WDR70: variants seen among roughly 807,000 people sequenced by gnomAD.
The protein encoded by WDR70 is WD repeat-containing protein 70.
WDR70 carries 53 observed loss-of-function variants against 88.6 expected under a neutral mutation model. That is an observed-to-expected ratio of 0.60 (90% CI 0.48 to 0.75). WDR70 has a LOEUF of 0.75. Among genes scored for constraint, WDR70 ranks in the 30% least tolerant of loss-of-function variants. WDR70 has a pLI of 0.00. For missense variants in WDR70, 610 were observed against 823.2 expected, an observed-to-expected ratio of 0.74 and a Z score of 3.17; for synonymous variants, 280 against 270.0, an observed-to-expected ratio of 1.04 and a Z score of -0.36.
At chr5:37,532,391 C>A (rs996046947) in intron 9 of WDR70, among the ~76,000 whole-genome samples, 17 of 152,140 alleles carry the variant, frequency 1.1e-4, no homozygotes, top group Admixed American at 3.3e-4. Context: ...CTTAGGAACA[C>A]CAATTATTTT....
chr5:37,505,742 TC>T, intron 8 of WDR70: 1 of 1,322,504 alleles, frequency 7.6e-7, no homozygotes, highest in Non-Finnish European at 1.1e-6. Flanking sequence ...CAAATATAGC[TC>T]CCTACACGTT....
chr5:37,693,109 A>G lies in WDR70; in HGVS notation c.1093-4546A>G, dbSNP rs991471968. On this transcript the variant is annotated intron_variant, in intron 10 of 17. Transcript: ENST00000265107. ...CCAAATCATGAGTGAACTCCCATTC[A>G]CAATTGCTACAAAGAGAATAAAATA... 2.6e-5 allele frequency among the ~76,000 whole-genome samples: 4 copies of G among 152,334 alleles called. No homozygotes were observed. In the East Asian group the frequency reaches 5.8e-4, roughly 22 times the overall value.
chr5:37,537,525 C>T (rs1741700889), intron 9 of WDR70, among the ~76,000 whole-genome samples: 1 of 152,050 alleles, frequency 6.6e-6, no homozygotes, highest in African/African-American at 2.4e-5. Flanking sequence ...CATATATTAT[C>T]CTTGGAGATC....
intron 10 of WDR70, among the ~76,000 whole-genome samples, chr5:37,687,636 G>T (rs752198177): frequency 1.3e-5 from 2 of 152,066 alleles, no homozygotes; most frequent in Non-Finnish European, 2.9e-5. Context: ...ATTTGGTGAA[G>T]TCTCCTCATA....
chr5:37,600,834 G>A (rs1292441473), intron 9 of WDR70, among the ~76,000 whole-genome samples: 2 of 152,168 alleles, frequency 1.3e-5, no homozygotes, highest in African/African-American at 4.8e-5. Context: ...CTGGAAAGCA[G>A]TTGGAAAGTT....
At chr5:37,559,178 C>T (rs548254392) in intron 9 of WDR70, among the ~76,000 whole-genome samples, 1 of 152,240 alleles carries the variant, frequency 6.6e-6, no homozygotes, top group South Asian at 2.1e-4. Flanking sequence ...GTAACCTACC[C>T]TCCTTGGCCT....
chr5:37,415,455 G>A (rs1389685539), intron 5 of WDR70, among the ~76,000 whole-genome samples: 8 of 82,590 alleles, frequency 9.7e-5, no homozygotes, highest in African/African-American at 2.8e-4. Context: ...TGGCCGGGCC[G>A]GGGGCTGATC....
intron 10 of WDR70, among the ~76,000 whole-genome samples, chr5:37,611,721 A>C (rs1744196530): frequency 6.6e-6 from 1 of 150,990 alleles, no homozygotes; most frequent in Non-Finnish European, 1.5e-5. Context: ...AACTGTGAAG[A>C]TGCGTGAAGA....
chr5:37,701,374 T>G (rs567082322), intron 12 of WDR70, among the ~76,000 whole-genome samples: 1 of 152,364 alleles, frequency 6.6e-6, no homozygotes, highest in Non-Finnish European at 1.5e-5. Flanking sequence ...CATGTGTTTG[T>G]GTGTATTGTA....
At chr5:37,648,843 A>AT (rs1015213072) in intron 10 of WDR70, among the ~76,000 whole-genome samples, 36 of 152,258 alleles carry the variant, frequency 2.4e-4, no homozygotes, top group African/African-American at 7.2e-4. Context: ...TTTCTCTACC[A>AT]TTTTTTTACT....
At chr5:37,580,458 C>T (rs1374907032) in intron 9 of WDR70, among the ~76,000 whole-genome samples, 2 of 152,166 alleles carry the variant, frequency 1.3e-5, no homozygotes, top group Non-Finnish European at 2.9e-5. Flanking sequence ...CTTTGTTTTT[C>T]CCAGGAATAG....
chr5:37,650,166 G>A (rs1258694697), intron 10 of WDR70, among the ~76,000 whole-genome samples: 2 of 151,394 alleles, frequency 1.3e-5, no homozygotes, highest in South Asian at 4.2e-4. Context: ...GGGAGGCCAA[G>A]GTGGGTGGAT....
intron 17 of WDR70, among the ~76,000 whole-genome samples, chr5:37,747,275 T>A (rs1385579725): frequency 6.6e-6 from 1 of 151,888 alleles, no homozygotes; most frequent in Non-Finnish European, 1.5e-5. Flanking sequence ...GAAAAGAAGC[T>A]CAACATCACT....
chr5:37,648,077 G>T (rs55633811), intron 10 of WDR70, among the ~76,000 whole-genome samples: 2 of 152,204 alleles, frequency 1.3e-5, no homozygotes, highest in African/African-American at 4.8e-5. Flanking sequence ...CATATTAGGT[G>T]TTATATGGTA....
At chr5:37,728,567 T>C (rs2112709416) in intron 17 of WDR70, among the ~76,000 whole-genome samples, 1 of 152,196 alleles carries the variant, frequency 6.6e-6, no homozygotes, top group Admixed American at 6.5e-5. Flanking sequence ...TGGGGTTTGC[T>C]TGATATTTTC....
At chr5:37,678,959 C>A (rs1221961609) in intron 10 of WDR70, among the ~76,000 whole-genome samples, 1 of 152,192 alleles carries the variant, frequency 6.6e-6, no homozygotes, top group South Asian at 2.1e-4. Context: ...CTAAACTTCC[C>A]TTCTCGCTTC....
chr5:37,682,110 G>C (rs1346674257), intron 10 of WDR70, among the ~76,000 whole-genome samples: 1 of 152,146 alleles, frequency 6.6e-6, no homozygotes, highest in African/African-American at 2.4e-5. Flanking sequence ...TTCAGAGCTT[G>C]TTATTGGTCT....
At chr5:37,436,495 C>G (rs10491331) in intron 5 of WDR70, among the ~76,000 whole-genome samples, 5,123 of 152,186 alleles carry the variant, frequency 0.034, 132 homozygotes, top group Admixed American at 0.071. Context: ...AAATAGTTAC[C>G]ATGCTGTTGA....
In WDR70 at chr5:37,705,502, AG is replaced by A. The variant is rs139460261; in HGVS notation, c.1416+2418del. ...GTCCTATTAAATTGTTGATTTAGTG[AG>A]GGTGAAGGCTTGTTGTTATTGTTAA... On this transcript the variant is annotated intron_variant, in intron 13 of 17. Transcript: ENST00000265107. 3.1e-3 allele frequency among the ~76,000 whole-genome samples: 477 copies of A among 152,260 alleles called. 4 individuals are homozygous for A. Among genetic ancestry groups the A allele is most frequent in the African/African-American group, 0.011 (456 of 41,566 alleles).
Sources: gnomAD v4.1 joint callset for allele counts (sites outside exome capture counted in the v4.1 genomes callset) on GRCh38, gnomAD v4.1.1 for gene constraint, MANE v1.5 for transcripts, NCBI Gene and HGNC (gene_info 2026-07-23, HGNC 2026-07-21) for gene names.